The following GNG2 variants were observed in gnomAD, a reference collection of about 807,000 sequenced individuals.
GNG2 encodes the protein G protein subunit gamma 2.
In GNG2, 5 loss-of-function variants were observed where a neutral mutation model predicts 5.5. The ratio of observed to expected loss-of-function variants is 0.91; its 90% CI spans 0.48 to 1.92. The LOEUF is 1.92. Ranked by LOEUF, GNG2 falls within the 30% of genes most tolerant of loss-of-function variation. The pLI, the probability that GNG2 is intolerant of heterozygous loss-of-function variation, is 0.01. For missense variants in GNG2, 55 were observed against 88.4 expected, an observed-to-expected ratio of 0.62 and a Z score of 1.52; for synonymous variants, 28 against 32.0, an observed-to-expected ratio of 0.88 and a Z score of 0.42.
intron 2 of GNG2, among the ~76,000 whole-genome samples, chr14:51,851,365 C>A (rs1881901050): frequency 6.6e-6 from 1 of 152,230 alleles, no homozygotes; most frequent in African/African-American, 2.4e-5. Flanking sequence ...GTATCACCAT[C>A]AGCTTTTGAC....
chr14:51,956,226 G>A (rs1889266316), intron 3 of GNG2, among the ~76,000 whole-genome samples: 1 of 152,064 alleles, frequency 6.6e-6, no homozygotes, highest in Non-Finnish European at 1.5e-5. Context: ...CTGTTTTCTT[G>A]GGTTCTGTGA....
chr14:51,966,234 A>AAAAC (rs1889903680), intron 3 of GNG2, among the ~76,000 whole-genome samples: 2 of 149,914 alleles, frequency 1.3e-5, no homozygotes, highest in African/African-American at 5.0e-5. Context: ...AAAAAAAAAA[A>AAAAC]AAACAAATGA....
intron 1 of GNG2, among the ~76,000 whole-genome samples, chr14:51,877,242 A>G (rs1170929443): frequency 2.0e-5 from 3 of 152,182 alleles, no homozygotes; most frequent in South Asian, 4.1e-4. Context: ...TCATGCTCGG[A>G]GCAAATTAGA....
intron 2 of GNG2, among the ~76,000 whole-genome samples, chr14:51,943,071 T>A (rs571139396): frequency 3.2e-4 from 49 of 152,186 alleles, no homozygotes; most frequent in South Asian, 6.2e-4. Flanking sequence ...CTAGAAAAAG[T>A]GAAGTCTACT....
intron 2 of GNG2, among the ~76,000 whole-genome samples, chr14:51,838,690 C>T (rs1213886195): frequency 3.9e-5 from 6 of 152,178 alleles, no homozygotes; most frequent in Admixed American, 3.3e-4. Context: ...ATATATACAT[C>T]TATCGTATGT....
intron 2 of GNG2, among the ~76,000 whole-genome samples, chr14:51,886,573 A>G (rs1285638078): frequency 6.6e-6 from 1 of 152,216 alleles, no homozygotes; most frequent in Non-Finnish European, 1.5e-5. Context: ...ATAAGGGCAG[A>G]GTATAGGAAA....
rs5808638 is a variant in GNG2 at position 51,871,331 on chromosome 14, C to CAAA, written c.-70-6277_-70-6275dup. ...TTAAGTAGAGGTGAAAATTCCTAGGCAAAAAAAAAAAGGTCCAACTAGTCT... is the reference window on the plus strand; with the variant it reads ...TTAAGTAGAGGTGAAAATTCCTAGGCAAAAAAAAAAAAAAGGTCCAACTAGTCT... On this transcript the variant is annotated intron_variant, in intron 1 of 3. Transcript: ENST00000556766. Among the ~76,000 whole-genome samples, 222 of 145,214 alleles carry CAAA rather than the reference C, an allele frequency of 1.5e-3. 1 individual carries two copies. Among genetic ancestry groups the CAAA allele is most frequent in the South Asian group, 2.6e-3 (12 of 4,676 alleles).
At chr14:51,826,967 G>A (rs1881045556) in intron 1 of GNG2, among the ~76,000 whole-genome samples, 1 of 152,210 alleles carries the variant, frequency 6.6e-6, no homozygotes, top group African/African-American at 2.4e-5. Flanking sequence ...AGTTGACACA[G>A]ATCCGAGGTT....
rs10143487 is a variant in GNG2 at position 51,854,571 on chromosome 14, G to A, written c.64+26764G>A. Among the ~76,000 whole-genome samples the A allele has an allele frequency of 1.9e-3, 293 of 152,130 alleles. 1 individual carries two copies. The highest frequency in any genetic ancestry group is 6.6e-3 in the African/African-American group (275 of 41,502). On this transcript the variant is annotated intron_variant, in intron 2 of 3. Transcript: ENST00000553432. ...GTTGCCCAGGCTGGAGTGCAGTGGT[G>A]CTATCTTGGCTCACTGCAACCTCCT...
chr14:51,922,709 A>G (rs1444468541), intron 2 of GNG2, among the ~76,000 whole-genome samples: 2 of 152,122 alleles, frequency 1.3e-5, no homozygotes, highest in Non-Finnish European at 2.9e-5. Flanking sequence ...AGTTTTTCCT[A>G]AAGAGTAAGA....
At chr14:51,832,928 C>T (rs1881236177) in intron 2 of GNG2, among the ~76,000 whole-genome samples, 1 of 152,156 alleles carries the variant, frequency 6.6e-6, no homozygotes, top group East Asian at 1.9e-4. Context: ...GAGAATTTTA[C>T]ACACTTCTGA....
intron 2 of GNG2, among the ~76,000 whole-genome samples, chr14:51,948,263 C>T (rs76198356): frequency 0.012 from 1,780 of 152,248 alleles, 40 homozygotes; most frequent in African/African-American, 0.04. Context: ...AAAAAAGTGT[C>T]GTTACTAATG....
intron 2 of GNG2, among the ~76,000 whole-genome samples, chr14:51,837,058 C>T (rs986050606): frequency 1.1e-4 from 17 of 151,862 alleles, no homozygotes; most frequent in Non-Finnish European, 2.2e-4. Flanking sequence ...GGGGCTTCAC[C>T]ATGTTGGCCA....
intron 3 of GNG2, among the ~76,000 whole-genome samples, chr14:51,966,234 A>AAAAAAAC (rs1889903300): frequency 6.7e-6 from 1 of 149,914 alleles, no homozygotes; most frequent in African/African-American, 2.5e-5. Context: ...AAAAAAAAAA[A>AAAAAAAC]AAACAAATGA....
intron 2 of GNG2, among the ~76,000 whole-genome samples, chr14:51,855,096 G>T (rs1222861215): frequency 1.3e-5 from 2 of 152,196 alleles, no homozygotes. Context: ...AGGAGTGTAT[G>T]TATATATGCA....
intron 2 of GNG2, chr14:51,940,378 G>C (rs116450945): frequency 3.9e-5 from 6 of 152,298 alleles, no homozygotes; most frequent in African/African-American, 1.2e-4. Context: ...GCAAACTTGG[G>C]GGGGCTCAAG....
intron 2 of GNG2, among the ~76,000 whole-genome samples, chr14:51,922,840 T>C (rs917571714): frequency 2.0e-5 from 3 of 152,078 alleles, no homozygotes; most frequent in African/African-American, 7.2e-5. Flanking sequence ...AAAGTCTCAA[T>C]AGAGTCCAGT....
intron 3 of GNG2, chr14:51,951,750 A>G (rs1888988014): frequency 1.7e-6 from 1 of 589,488 alleles, no homozygotes; most frequent in Admixed American, 3.1e-5. Context: ...CTATGTTTAT[A>G]AAGAAAGTTT....
chr14:51,829,769 C>T (rs1486530302), intron 2 of GNG2, among the ~76,000 whole-genome samples: 1 of 152,166 alleles, frequency 6.6e-6, no homozygotes, highest in Non-Finnish European at 1.5e-5. Context: ...GAGACATCCA[C>T]TGCTAAACCT....
Sources: allele counts gnomAD v4.1 joint callset (sites outside exome capture counted in the v4.1 genomes callset), GRCh38; gene constraint gnomAD v4.1.1; transcripts MANE v1.5; gene names NCBI Gene and HGNC (gene_info 2026-07-23, HGNC 2026-07-21).